Variants in VSIG1 observed in about 807,000 individuals in gnomAD.
VSIG1 encodes the protein V-set and immunoglobulin domain containing 1.
VSIG1 carries 11 observed loss-of-function variants against 20.1 expected under a neutral mutation model. The observed-to-expected ratio is 0.55, with a 90% CI of 0.34 to 0.91. The LOEUF is 0.91. VSIG1 is among the 40% of genes least tolerant of loss of function. The pLI is 0.02. For synonymous variants in VSIG1, 126 were observed against 116.7 expected (o/e 1.08, Z -0.52); for missense variants, 283 against 298.8 (o/e 0.95, Z 0.39).
At chrX:108,027,865 A>C in the VSIG1 span, among the ~76,000 whole-genome samples, 1 of 111,224 alleles carries the variant, frequency 9.0e-6, no homozygotes, top group Non-Finnish European at 1.9e-5. Context: ...GCCCCCAGGA[A>C]AGAGGGATAT....
chrX:108,023,824 G>A, the VSIG1 span, among the ~76,000 whole-genome samples: 4 of 112,153 alleles, frequency 3.6e-5, no homozygotes, highest in Admixed American at 1.9e-4. Context: ...CTTTATTGGA[G>A]TTTCCATAGG....
the VSIG1 span, among the ~76,000 whole-genome samples, chrX:108,033,166 C>T: frequency 5.4e-5 from 6 of 111,596 alleles, no homozygotes; most frequent in South Asian, 1.5e-3. Flanking sequence ...TCATCAGATA[C>T]GCTGCTGTGT....
the VSIG1 span, among the ~76,000 whole-genome samples, chrX:108,035,457 C>T: frequency 9.0e-6 from 1 of 110,757 alleles, no homozygotes; most frequent in African/African-American, 3.3e-5. Context: ...TGCCTCCTGC[C>T]TTTCTGCCAT....
upstream of VSIG1, among the ~76,000 whole-genome samples, chrX:108,043,011 G>A (rs187628230): frequency 9.0e-6 from 1 of 111,275 alleles, no homozygotes; most frequent in East Asian, 2.8e-4. Flanking sequence ...TAATTTTGGA[G>A]CATGAGATAT....
intron 2 of VSIG1, among the ~76,000 whole-genome samples, chrX:108,060,056 AG>A (rs764830643): frequency 9.0e-6 from 1 of 111,695 alleles, no homozygotes; most frequent in African/African-American, 3.3e-5. Context: ...ACCAGCAATG[AG>A]CTTTTTCTAT....
At chrX:108,051,317 A>G (rs1416785886) in intron 1 of VSIG1, among the ~76,000 whole-genome samples, 1 of 111,299 alleles carries the variant, frequency 9.0e-6, no homozygotes, top group African/African-American at 3.3e-5. Flanking sequence ...GTGTCCCACC[A>G]TACCTACCCC....
At chrX:108,050,298 T>C (rs1353294551) in intron 1 of VSIG1, among the ~76,000 whole-genome samples, 2 of 112,074 alleles carry the variant, frequency 1.8e-5, no homozygotes, top group African/African-American at 6.5e-5. Context: ...GGACAGGAAT[T>C]AGTCCCTCTA....
chrX:108,020,274 T>G, the VSIG1 span, among the ~76,000 whole-genome samples: 1 of 111,575 alleles, frequency 9.0e-6, no homozygotes, highest in East Asian at 2.8e-4. Flanking sequence ...TTCCTCTGCT[T>G]GATCCATTTG....
chrX:108,026,158 G>A, the VSIG1 span, among the ~76,000 whole-genome samples: 1 of 111,969 alleles, frequency 8.9e-6, no homozygotes, highest in East Asian at 2.8e-4. Flanking sequence ...GAGAGACCAG[G>A]TGCAGTCTTG....
intron 1 of VSIG1, among the ~76,000 whole-genome samples, chrX:108,048,320 G>A (rs1186279213): frequency 9.0e-6 from 1 of 111,153 alleles, no homozygotes; most frequent in Non-Finnish European, 1.9e-5. Context: ...ATTTTTAAAT[G>A]TTGATTAAGT....
upstream of VSIG1, chrX:108,044,862 A>G (rs185539883): frequency 1.4e-4 from 35 of 255,173 alleles, no homozygotes; most frequent in Admixed American, 1.5e-3. Context: ...GTGTACAAGG[A>G]GCTTGAATAA....
intron 3 of VSIG1, among the ~76,000 whole-genome samples, chrX:108,070,565 C>A (rs1166812157): frequency 1.8e-5 from 2 of 112,123 alleles, no homozygotes; most frequent in African/African-American, 3.2e-5. Flanking sequence ...TCCTGGTGTC[C>A]AACTTTGTGA....
intron 3 of VSIG1, among the ~76,000 whole-genome samples, chrX:108,071,552 A>G (rs1204807938): frequency 9.0e-6 from 1 of 110,972 alleles, no homozygotes; most frequent in Non-Finnish European, 1.9e-5. Flanking sequence ...CTAAAACTCT[A>G]TGTCCCGGAC....
Position 108,072,718 on chromosome X carries a change from G to A in VSIG1, c.454G>A (p.Glu152Lys). Reference protein sequence around the residue: ...KPLCSVQGRPETGHTISLSCL... With the variant: ...KPLCSVQGRPKTGHTISLSCL... ...CCTTTGTAGCGTTCAAGGAAGACCA[G>A]AAACTGGCCACACTATTTCCCTTTC... Residue 152 changes from glutamate (E) to lysine (K), a missense_variant, in exon 4 of 7, where the codon GAA becomes AAA. Coordinates refer to ENST00000217957, the MANE Select transcript of VSIG1 (RefSeq NM_182607.5). 8.3e-7 allele frequency: 1 copy of A among 1,211,393 alleles called. No individual in the cohort carries two copies. The highest frequency in any genetic ancestry group is 1.1e-6 in the Non-Finnish European group (1 of 895,220).
rs752313311 is a variant in VSIG1 at position 108,076,207 on chromosome X, C to A, written c.819C>A (p.Ile273=). ...CAAAAGAAAGAAATTCTAAGACCAT[C>A]GCGGAACTTGAGTAAGCCTTCATTT... ...AKAKERNSKT[I]AELEPMTKIN... The change falls in exon 6 of 7, where the codon ATC becomes ATA. Residue 273 remains isoleucine, a synonymous_variant. Coordinates refer to ENST00000217957, the MANE Select transcript of VSIG1 (RefSeq NM_182607.5). 3 of 1,206,722 alleles carry A rather than the reference C, an allele frequency of 2.5e-6. No individual in the cohort carries two copies. The South Asian group carries it at 5.4e-5, about 22-fold the overall frequency.
chrX:108,044,066 TA>T (rs1394266338), upstream of VSIG1, among the ~76,000 whole-genome samples: 2 of 111,624 alleles, frequency 1.8e-5, no homozygotes, highest in African/African-American at 6.5e-5. Flanking sequence ...GAAGGTGGAA[TA>T]AGTCAGGGAG....
At chrX:108,026,200 G>A in the VSIG1 span, among the ~76,000 whole-genome samples, 26 of 111,919 alleles carry the variant, frequency 2.3e-4, no homozygotes, top group Non-Finnish European at 3.4e-4. Flanking sequence ...TGATTGGAGG[G>A]AACACCCAGA....
chrX:108,046,972 A>T (rs1248614896), intron 1 of VSIG1, among the ~76,000 whole-genome samples: 1 of 110,806 alleles, frequency 9.0e-6, no homozygotes, highest in Non-Finnish European at 1.9e-5. Context: ...AAATTGTGGT[A>T]TGCTCTATTG....
the VSIG1 span, among the ~76,000 whole-genome samples, chrX:108,038,881 A>G: frequency 9.0e-6 from 1 of 111,686 alleles, no homozygotes; most frequent in African/African-American, 3.3e-5. Flanking sequence ...ACTTAACCCA[A>G]TATATTCCAA....
Sources: allele counts gnomAD v4.1 joint callset (sites outside exome capture counted in the v4.1 genomes callset), GRCh38; gene constraint gnomAD v4.1.1; transcripts MANE v1.5; gene names NCBI Gene and HGNC (gene_info 2026-07-23, HGNC 2026-07-21).